Variants in BRIX1 observed in about 807,000 individuals in gnomAD.
The protein encoded by BRIX1 is ribosome biogenesis protein BRX1 homolog.
Under a neutral mutation model 44.0 loss-of-function variants are expected in BRIX1, and 15 were observed. The observed-to-expected ratio is 0.34, with a 90% CI of 0.23 to 0.53. The LOEUF (loss-of-function observed/expected upper bound fraction) is 0.53, where lower values mean the gene tolerates loss of function less well. Among genes scored for constraint, BRIX1 ranks in the 20% least tolerant of loss-of-function variants. The probability of loss-of-function intolerance (pLI) is 0.95; values close to 1 mark genes in which losing one functional copy is unlikely to be tolerated. For missense variants in BRIX1, 420 were observed against 432.8 expected, an observed-to-expected ratio of 0.97 and a Z score of 0.26; for synonymous variants, 149 against 135.4, an observed-to-expected ratio of 1.10 and a Z score of -0.70.
At position 34,925,329 on chromosome 5, in the gene BRIX1, C is replaced by G. The variant is rs753465560; in HGVS notation, c.896C>G (p.Pro299Arg). Residue 299 changes from proline (P) to arginine (R), a missense_variant, in exon 10 of 10, where the codon CCA (proline) becomes CGA (arginine). Pro to Arg is a moderately radical substitution (Grantham distance 103, BLOSUM62 -2). Coordinates refer to ENST00000336767, the MANE Select transcript of BRIX1 (RefSeq NM_018321.4). ...LRKKEPKTLL[P>R]HDPTADVFVT... ...AAGAAAGAGCCGAAGACTCTTCTTCCACATGATCCCACTGCAGATGTTTTT... is the reference window on the plus strand; with the variant it reads ...AAGAAAGAGCCGAAGACTCTTCTTCGACATGATCCCACTGCAGATGTTTTT... 1.2e-6 allele frequency: 2 copies of G among 1,613,694 alleles called. No individual in the cohort carries two copies. The highest frequency in any genetic ancestry group is 2.7e-5 in the African/African-American group (2 of 74,842).
At position 34,918,248 on chromosome 5, in the gene BRIX1, G is replaced by A. The variant is rs111815094; in HGVS notation, c.160-116G>A. 13 of 527,970 alleles carry A rather than the reference G, an allele frequency of 2.5e-5. 1 individual carries two copies. Among genetic ancestry groups the A allele is most frequent in the African/African-American group, 1.4e-4 (7 of 50,078 alleles). 32.7% of individuals were successfully genotyped at this position (527,970 alleles called of 1,614,324 possible). A position where few individuals can be genotyped will look rare whatever the true frequency, so the allele number is the denominator to read the frequency against. ...ATCACTTACTTGAGCCCAGGAACTT[G>A]AAACTGCAGTGAGCCGTGAGCACTT... On this transcript the variant is annotated intron_variant, in intron 1 of 9. Transcript: ENST00000336767.
At chr5:34,919,812 T>C in intron 2 of BRIX1, 28 bp from the exon 3 acceptor site, 1 of 781,832 alleles carries the variant, frequency 1.3e-6, no homozygotes, top group East Asian at 3.0e-5. Context: ...TTTAATTTAC[T>C]TGCTTTTTCT....
At chr5:34,918,339 C>T (rs761166212) in intron 1 of BRIX1, 25 bp from the exon 2 acceptor site, 13 of 1,212,162 alleles carry the variant, frequency 1.1e-5, no homozygotes, top group Non-Finnish European at 1.6e-5. Context: ...ATTTTAAAAT[C>T]TTTTAACATT....
At chr5:34,922,071 T>C in intron 3 of BRIX1, 146 bp from the exon 4 acceptor site, 1 of 447,622 alleles carries the variant, frequency 2.2e-6, no homozygotes, top group Non-Finnish European at 4.0e-6. Context: ...AGGTTCCTTC[T>C]GTGAATAAAT....
intron 3 of BRIX1, chr5:34,921,906 G>A (rs13188540): frequency 0.25 from 31,169 of 122,334 alleles, 3,762 homozygotes; most frequent in East Asian, 0.4. Flanking sequence ...AAACTGCATC[G>A]CAAAAAAAAA....
At chr5:34,921,527 T>A (rs937163672) in intron 3 of BRIX1, 1 of 152,244 alleles carries the variant, frequency 6.6e-6, no homozygotes, top group Non-Finnish European at 1.5e-5. Context: ...TATGAAGGAT[T>A]AACATAAGAA....
At chr5:34,915,934 C>A in intron 1 of BRIX1, 37 bp downstream of exon 1, 1 of 1,498,316 alleles carries the variant, frequency 6.7e-7, no homozygotes, top group African/African-American at 1.4e-5. Context: ...CCTGCGGCGG[C>A]GGCTCTGTGC....
intron 1 of BRIX1, 189 bp from the exon 2 acceptor site, chr5:34,918,175 T>C (rs189115310): frequency 5.0e-4 from 188 of 374,712 alleles, no homozygotes; most frequent in African/African-American, 3.9e-3. Context: ...CTGGACATGG[T>C]GGCACATGCC....
At position 34,925,421 on chromosome 5, in the gene BRIX1, A is replaced by G. The variant is rs748529830; in HGVS notation, c.988A>G (p.Lys330Glu). The G allele has an allele frequency of 1.2e-6, 2 of 1,613,888 alleles. No homozygotes were observed. Among genetic ancestry groups the G allele is most frequent in the Non-Finnish European group, 1.7e-6 (2 of 1,180,004 alleles). The change falls in exon 10 of 10, where the codon AAA becomes GAA. Residue 330 changes from lysine (K) to glutamate (E), a missense_variant. By Grantham distance (56) the Lys-to-Glu change is moderately conservative. Transcript: ENST00000336767. The stretch of plus-strand genomic sequence containing the variant: ...AAAACCAGAGCCAAAAGTTGATTTG[A>G]AAGCAAGAAAGAAACGGATTTACAA... ...WVKPEPKVDL[K>E]ARKKRIYKRQ...
At chr5:34,921,414 A>G (rs1764233742) in intron 3 of BRIX1, 1 of 152,256 alleles carries the variant, frequency 6.6e-6, no homozygotes, top group African/African-American at 2.4e-5. Context: ...TTGTGATCTT[A>G]GAATCAAAAA....
At position 34,915,788 on chromosome 5, in the gene BRIX1, A is replaced by G. The variant is rs1312175521; in HGVS notation, c.50A>G (p.Lys17Arg). 3 of 1,595,542 alleles carry G rather than the reference A, an allele frequency of 1.9e-6. No individual in the cohort carries two copies. Among genetic ancestry groups the G allele is most frequent in the East Asian group, 4.5e-5 (2 of 44,036 alleles). Residue 17 changes from lysine to arginine, a missense_variant, in exon 1 of 10, where the codon AAG becomes AGG. By Grantham distance (26) the Lys-to-Arg change is conservative. Transcript: ENST00000336767. ...CGTGGAGGCTTTGCAGTTCAGGCGA[A>G]GAAGCCAAAAAGAAACGAAATAGAT... The part of the protein sequence containing the change: ...KRRGGFAVQA[K>R]KPKRNEIDAE...
chr5:34,918,320 C>T lies in BRIX1; in HGVS notation c.160-44C>T, dbSNP rs747818239. 4.0e-6 allele frequency: 4 copies of T among 1,006,194 alleles called. No homozygotes were observed. In the South Asian group the frequency reaches 5.5e-5, roughly 14 times the overall value. The allele number at this position is 1,006,194 out of a possible 1,614,324, so 62.3% of individuals were successfully genotyped here. ...ACCCTGTCACAAAACAAGATCAGTT[C>T]AGTATAAGATTTTAAAATCTTTTAA... On this transcript the variant is annotated intron_variant, in intron 1 of 9. Transcript: ENST00000336767.
In BRIX1 at chr5:34,925,222, T is replaced by TA; in HGVS notation, c.793-4_793-3insA. On this transcript the variant is annotated splice_region_variant and splice_polypyrimidine_tract_variant and intron_variant, in intron 9 of 9. Transcript: ENST00000336767. ...AGCATCTAATCTTTTTTTTTTTTTT[T>TA]TAGCATCGGCGTGTCATAAGATCCA... 2 of 1,541,070 alleles carry TA rather than the reference T, an allele frequency of 1.3e-6. No individual in the cohort carries two copies. The highest frequency in any genetic ancestry group is 8.7e-7 in the Non-Finnish European group (1 of 1,149,706).
chr5:34,921,016 C>A (rs1476682445), intron 3 of BRIX1: 1 of 152,146 alleles, frequency 6.6e-6, no homozygotes, highest in Non-Finnish European at 1.5e-5. Flanking sequence ...AGGCACACGC[C>A]AGTATGCCCA....
At chr5:34,922,672 TG>T (rs1446145112) in intron 5 of BRIX1, 22 bp from the exon 6 acceptor site, 2 of 1,607,458 alleles carry the variant, frequency 1.2e-6, no homozygotes, top group African/African-American at 2.7e-5. Flanking sequence ...CAACTATTTT[TG>T]TTTTTGTTGT....
At position 34,924,889 on chromosome 5, in the gene BRIX1, T is replaced by G. The variant is rs1764337532; in HGVS notation, c.706T>G (p.Phe236Val). 1.9e-6 allele frequency: 3 copies of G among 1,608,484 alleles called. No homozygotes were observed. Among genetic ancestry groups the G allele is most frequent in the Non-Finnish European group, 2.6e-6 (3 of 1,175,098 alleles). The stretch of plus-strand genomic sequence containing the variant: ...TGCTCTTGTAGAAATAGGACCTCGT[T>G]TTGTCTTAAATCTCATAAAGATTTT... ...DAALVEIGPR[F>V]VLNLIKIFQG... The change falls in exon 9 of 10, where the codon TTT becomes GTT. Residue 236 changes from phenylalanine to valine, a missense_variant. By Grantham distance (50) the Phe-to-Val change is conservative. Transcript: ENST00000336767.
In BRIX1 at chr5:34,924,936, A is replaced by C. The variant is rs1306442904; in HGVS notation, c.753A>C (p.Pro251=). ...IKIFQGSFGG[P]TLYENPHYQS... is the part of the protein sequence containing the mutation. ...TTTTCCAGGGAAGTTTTGGAGGACCAACTTTATATGAAAATCCTCACTACC... is the reference window on the plus strand; with the variant it reads ...TTTTCCAGGGAAGTTTTGGAGGACCCACTTTATATGAAAATCCTCACTACC... Residue 251 remains proline, a synonymous_variant, in exon 9 of 10, where the codon CCA becomes CCC. Transcript: ENST00000336767. 6.2e-7 allele frequency: 1 copy of C among 1,613,648 alleles called. No individual in the cohort carries two copies. Among genetic ancestry groups the C allele is most frequent in the Non-Finnish European group, 8.5e-7 (1 of 1,179,848 alleles).
intron 2 of BRIX1, 101 bp downstream of exon 2, chr5:34,918,576 CG>C (rs1764169123): frequency 1.6e-6 from 1 of 629,892 alleles, no homozygotes; most frequent in Non-Finnish European, 2.5e-6. Flanking sequence ...AGTGTTCTCA[CG>C]AAAAAAACAC....
At chr5:34,916,102 G>A (rs1764076993) in intron 1 of BRIX1, 1 of 529,670 alleles carries the variant, frequency 1.9e-6, no homozygotes, top group South Asian at 3.7e-5. Flanking sequence ...GAGGCGGCGG[G>A]TTTTAAAACC....
Sources: allele counts gnomAD v4.1 joint callset, GRCh38; gene constraint gnomAD v4.1.1; transcripts MANE v1.5; gene names NCBI Gene and HGNC (gene_info 2026-07-23, HGNC 2026-07-21).